DCDC2: variants seen among roughly 807,000 people sequenced by gnomAD.
The protein encoded by DCDC2 is doublecortin domain-containing protein 2.
Under a neutral mutation model 50.2 loss-of-function variants are expected in DCDC2, and 40 were observed. That is an observed-to-expected ratio of 0.80 (90% CI 0.62 to 1.04). DCDC2 has a LOEUF of 1.04. Among genes scored for constraint, DCDC2 ranks in the 50% least tolerant of loss-of-function variants. DCDC2 has a pLI of 0.00. For missense variants in DCDC2, 570 were observed against 581.9 expected (o/e 0.98, Z 0.21); for synonymous variants, 234 against 210.6 (o/e 1.11, Z -0.96).
chr6:24,255,409 T>C lies in DCDC2; in HGVS notation c.922+22640A>G, dbSNP rs73394050. Among the ~76,000 whole-genome samples, 644 of 145,222 alleles carry C rather than the reference T, an allele frequency of 4.4e-3. 6 individuals are homozygous for C. The highest frequency in any genetic ancestry group is 0.015 in the African/African-American group (592 of 39,792). On this transcript the variant is annotated intron_variant, in intron 7 of 9. Coordinates refer to ENST00000378454, the MANE Select transcript of DCDC2 (RefSeq NM_016356.5). ...GAAAACAAGCTTCCAGAAGAAAACA[T>C]AGGAAAAACATTAATCCTAAAGGAA...
In DCDC2 at chr6:24,288,372, T is replaced by C. The variant is rs538224390; in HGVS notation, c.759+480A>G. Among the ~76,000 whole-genome samples the C allele has an allele frequency of 3.3e-5, 5 of 152,348 alleles. No individual in the cohort carries two copies. In the South Asian group the frequency reaches 1.0e-3, roughly 32 times the overall value. On this transcript the variant is annotated intron_variant, in intron 6 of 9. Transcript: ENST00000378454. ...CACAGAGTAGGTATTTAATAAATGTTTGCTGAATTAACAAACCATGAATAA... is the reference window on the plus strand; with the variant it reads ...CACAGAGTAGGTATTTAATAAATGTCTGCTGAATTAACAAACCATGAATAA...
At chr6:24,313,838 T>G (rs1759614308) in intron 2 of DCDC2, among the ~76,000 whole-genome samples, 1 of 152,218 alleles carries the variant, frequency 6.6e-6, no homozygotes, top group Non-Finnish European at 1.5e-5. Context: ...GCTGGCTTTA[T>G]GATCTCTTCA....
At chr6:24,251,701 T>C (rs1375195475) in intron 7 of DCDC2, among the ~76,000 whole-genome samples, 1 of 152,234 alleles carries the variant, frequency 6.6e-6, no homozygotes, top group African/African-American at 2.4e-5. Context: ...TGTTGGTCTC[T>C]TAAAAACCTA....
rs1044337199 is a variant in DCDC2, at chr6:24,172,421, G to A, written c.*2309C>T. 1.2e-4 allele frequency: 18 copies of A among 152,064 alleles called. No individual in the cohort carries two copies. The highest frequency in any genetic ancestry group is 8.3e-4 in the South Asian group (4 of 4,814). 9.4% of individuals were successfully genotyped at this position (152,064 alleles called of 1,614,324 possible). A position where few individuals can be genotyped will look rare whatever the true frequency, so the allele number is the denominator to read the frequency against. ...TTGAAGTATATTTAAAATACCAAACGTTATTATTCATGTAAAATATCAATG... is the reference window on the plus strand; with the variant it reads ...TTGAAGTATATTTAAAATACCAAACATTATTATTCATGTAAAATATCAATG... On this transcript the variant is annotated 3_prime_UTR_variant, in exon 10 of 10. Transcript: ENST00000378454.
At chr6:24,286,916 T>G (rs1181396452) in intron 6 of DCDC2, among the ~76,000 whole-genome samples, 1 of 152,214 alleles carries the variant, frequency 6.6e-6, no homozygotes, top group East Asian at 1.9e-4. Context: ...CACTTCCTGC[T>G]GCCTCTACCA....
rs141641007 is a variant in DCDC2 at position 24,281,476 on chromosome 6, A to T, written c.760-3265T>A. On this transcript the variant is annotated intron_variant, in intron 6 of 9. Coordinates refer to ENST00000378454, the MANE Select transcript of DCDC2 (RefSeq NM_016356.5). ...AAGCATGTGTCACTGCACCCAGCTAAATGCTTTTAAGAAAAAAAAAAAAAA... is the reference window on the plus strand; with the variant it reads ...AAGCATGTGTCACTGCACCCAGCTATATGCTTTTAAGAAAAAAAAAAAAAA... 2.5e-3 allele frequency among the ~76,000 whole-genome samples: 340 copies of T among 137,966 alleles called. 2 individuals are homozygous for T. The highest frequency in any genetic ancestry group is 8.5e-3 in the African/African-American group (313 of 36,944). 90.5% of individuals were successfully genotyped at this position (137,966 alleles called of 152,430 possible).
At chr6:24,244,056 C>T (rs1762620350) in intron 7 of DCDC2, among the ~76,000 whole-genome samples, 1 of 152,186 alleles carries the variant, frequency 6.6e-6, no homozygotes, top group African/African-American at 2.4e-5. Context: ...CACCTCCTAA[C>T]CAACATACAC....
intron 7 of DCDC2, among the ~76,000 whole-genome samples, chr6:24,236,384 C>A (rs559912819): frequency 1.3e-5 from 2 of 152,176 alleles, no homozygotes; most frequent in African/African-American, 4.8e-5. Context: ...TTACCATATA[C>A]AAGAATTAAC....
Position 24,269,727 on chromosome 6 carries a change from A to T in DCDC2, c.922+8322T>A, listed in dbSNP as rs548043241. Among the ~76,000 whole-genome samples, 119 of 152,248 alleles carry T rather than the reference A, an allele frequency of 7.8e-4. No homozygotes were observed. In the South Asian group the frequency reaches 0.024, roughly 30 times the overall value. On this transcript the variant is annotated intron_variant, in intron 7 of 9. Coordinates refer to ENST00000378454, the MANE Select transcript of DCDC2 (RefSeq NM_016356.5). Reference sequence around the variant, plus strand: ...CCTAGAATGTTTAAGTAACTGTTTTAAAAAAGGGGATTTGATCATTTGATA... The same window carrying T: ...CCTAGAATGTTTAAGTAACTGTTTTTAAAAAGGGGATTTGATCATTTGATA...
At chr6:24,371,506 G>T in the DCDC2 span, among the ~76,000 whole-genome samples, 2 of 152,114 alleles carry the variant, frequency 1.3e-5, no homozygotes, top group Non-Finnish European at 2.9e-5. Context: ...TACTTGGGAA[G>T]CTGAGGTGGG....
intron 2 of DCDC2, among the ~76,000 whole-genome samples, chr6:24,337,009 G>A (rs1044698997): frequency 1.3e-5 from 2 of 152,070 alleles, no homozygotes; most frequent in African/African-American, 4.8e-5. Flanking sequence ...TTGAGATCTT[G>A]GGGAGAAAAG....
intron 6 of DCDC2, among the ~76,000 whole-genome samples, chr6:24,283,527 A>G (rs1006162080): frequency 2.0e-5 from 3 of 152,110 alleles, no homozygotes; most frequent in African/African-American, 7.2e-5. Context: ...GGGAAAAATA[A>G]ATTTCTAAAA....
chr6:24,195,758 T>A (rs1475742222), intron 8 of DCDC2, among the ~76,000 whole-genome samples: 1 of 152,176 alleles, frequency 6.6e-6, no homozygotes, highest in Non-Finnish European at 1.5e-5. Flanking sequence ...AAGTTGAGAA[T>A]GATTGTTCTG....
At chr6:24,191,231 G>T (rs2027584) in intron 8 of DCDC2, among the ~76,000 whole-genome samples, 16,361 of 152,220 alleles carry the variant, frequency 0.11, 1,141 homozygotes, top group East Asian at 0.36. Flanking sequence ...AGCAAGACAA[G>T]AAGTTCTTCA....
chr6:24,350,222 T>C (rs187173446), intron 2 of DCDC2, among the ~76,000 whole-genome samples: 1 of 152,312 alleles, frequency 6.6e-6, no homozygotes, highest in African/African-American at 2.4e-5. Flanking sequence ...ACACGCACAT[T>C]CTAGTTAGCA....
chr6:24,339,363 C>T (rs1018080593), intron 2 of DCDC2, among the ~76,000 whole-genome samples: 1 of 152,154 alleles, frequency 6.6e-6, no homozygotes, highest in Non-Finnish European at 1.5e-5. Context: ...CACTACACAG[C>T]CAGCTTCAGG....
At chr6:24,263,383 A>G (rs1276851877) in intron 7 of DCDC2, among the ~76,000 whole-genome samples, 1 of 152,188 alleles carries the variant, frequency 6.6e-6, no homozygotes, top group Non-Finnish European at 1.5e-5. Flanking sequence ...TGACCTCACC[A>G]AATAAACTAA....
upstream of DCDC2, among the ~76,000 whole-genome samples, chr6:24,359,354 TATG>T (rs1760600080): frequency 3.3e-5 from 2 of 60,158 alleles, no homozygotes; most frequent in Non-Finnish European, 5.3e-5. Context: ...ATATATATTT[TATG>T]TATATTATAT....
intron 2 of DCDC2, among the ~76,000 whole-genome samples, chr6:24,333,741 TGAA>T (rs1760008462): frequency 6.6e-6 from 1 of 152,110 alleles, no homozygotes; most frequent in South Asian, 2.1e-4. Context: ...ATATTCTGGA[TGAA>T]ATAAAATATA....
Sources: gnomAD v4.1 joint callset for allele counts (sites outside exome capture counted in the v4.1 genomes callset) on GRCh38, gnomAD v4.1.1 for gene constraint, MANE v1.5 for transcripts, NCBI Gene and HGNC (gene_info 2026-07-23, HGNC 2026-07-21) for gene names.